LRP1B: variants seen among roughly 807,000 people sequenced by gnomAD.
LRP1B encodes the protein low-density lipoprotein receptor-related protein 1B.
In LRP1B, 217 loss-of-function variants were observed where a neutral mutation model predicts 556.6. That is an observed-to-expected ratio of 0.39 (90% CI 0.35 to 0.44). The LOEUF is 0.44. Among genes scored for constraint, LRP1B ranks in the 20% least tolerant of loss-of-function variants. The probability of loss-of-function intolerance (pLI) is 1.00; values close to 1 mark genes in which losing one functional copy is unlikely to be tolerated. For synonymous variants in LRP1B, 2,047 were observed against 1,865.8 expected, an observed-to-expected ratio of 1.10 and a Z score of -2.50; for missense variants, 5,053 against 5,620.8, an observed-to-expected ratio of 0.90 and a Z score of 3.23.
At chr2:141,765,652 C>A (rs563908787) in intron 2 of LRP1B, among the ~76,000 whole-genome samples, 8 of 152,242 alleles carry the variant, frequency 5.3e-5, no homozygotes, top group African/African-American at 1.9e-4. Flanking sequence ...AGAAGAGTTG[C>A]CATTTTGCCC....
chr2:141,552,955 C>T (rs1030871705), intron 2 of LRP1B, among the ~76,000 whole-genome samples: 3 of 151,634 alleles, frequency 2.0e-5, no homozygotes, highest in African/African-American at 7.3e-5. Flanking sequence ...GAAAGAAGAC[C>T]AGAGTAAGTT....
At chr2:141,285,840 G>C (rs1685695455) in intron 3 of LRP1B, among the ~76,000 whole-genome samples, 1 of 148,306 alleles carries the variant, frequency 6.7e-6, no homozygotes, top group African/African-American at 2.5e-5. Context: ...GCCGAGGCGG[G>C]CGGATCACGA....
At chr2:141,600,734 G>T (rs1687701369) in intron 2 of LRP1B, among the ~76,000 whole-genome samples, 1 of 151,976 alleles carries the variant, frequency 6.6e-6, no homozygotes, top group Admixed American at 6.6e-5. Flanking sequence ...TGGATTCAGG[G>T]TGCAACTAGA....
intron 8 of LRP1B, among the ~76,000 whole-genome samples, chr2:141,061,387 T>C (rs1699330439): frequency 6.6e-6 from 1 of 151,814 alleles, no homozygotes; most frequent in Non-Finnish European, 1.5e-5. Flanking sequence ...TAAGTGCCAT[T>C]AGTGAGATAA....
At chr2:140,442,700 T>C in intron 65 of LRP1B, 77 bp from the exon 66 acceptor site, 1 of 1,426,236 alleles carries the variant, frequency 7.0e-7, no homozygotes, top group Non-Finnish European at 9.7e-7. Context: ...TACAGACAAA[T>C]GTTTAAGACA....
At chr2:140,238,121 G>C (rs377229862) in intron 89 of LRP1B, 31 bp downstream of exon 89, 1 of 1,550,264 alleles carries the variant, frequency 6.5e-7, no homozygotes, top group South Asian at 1.2e-5. Context: ...GAATGTTAGT[G>C]CTCACTGCCC....
chr2:141,999,057 A>G (rs1702583647), intron 1 of LRP1B, among the ~76,000 whole-genome samples: 1 of 152,192 alleles, frequency 6.6e-6, no homozygotes, highest in African/African-American at 2.4e-5. Context: ...GGGAGAAAAT[A>G]CTGTGATTTC....
chr2:141,932,028 A>C (rs1400847433), intron 1 of LRP1B, among the ~76,000 whole-genome samples: 1 of 152,060 alleles, frequency 6.6e-6, no homozygotes, highest in Non-Finnish European at 1.5e-5. Context: ...ACTGGCAGCA[A>C]AGACACAGCA....
At chr2:140,621,177 C>T (rs567976694) in intron 41 of LRP1B, among the ~76,000 whole-genome samples, 4 of 150,976 alleles carry the variant, frequency 2.6e-5, no homozygotes, top group Non-Finnish European at 4.4e-5. Context: ...GTCAGGAGTT[C>T]GAGACCATCC....
chr2:141,770,008 G>A (rs573007216), intron 2 of LRP1B, among the ~76,000 whole-genome samples: 3 of 152,280 alleles, frequency 2.0e-5, no homozygotes, highest in Admixed American at 1.3e-4. Flanking sequence ...CTTACAAAGA[G>A]TTAGTATGAC....
In LRP1B at chr2:141,291,976, G is replaced by C. The variant is rs181764361; in HGVS notation, c.344-37335C>G. Among the ~76,000 whole-genome samples the C allele has an allele frequency of 2.0e-5, 3 of 151,604 alleles. No individual in the cohort carries two copies. In the East Asian group the frequency reaches 5.8e-4, roughly 29 times the overall value. On this transcript the variant is annotated intron_variant, in intron 3 of 90. Transcript: ENST00000389484. ...TAACTGTATATCCCCTATACCAGGG[G>C]TCCCCAACCCCAATGCGATGAACTA...
At chr2:140,693,917 AG>A (rs370377801) in intron 41 of LRP1B, among the ~76,000 whole-genome samples, 16 of 152,272 alleles carry the variant, frequency 1.1e-4, no homozygotes, top group African/African-American at 3.4e-4. Flanking sequence ...CATTTTGGCC[AG>A]GCTAGTCTCG....
chr2:141,549,559 C>T (rs1217689176), intron 2 of LRP1B, among the ~76,000 whole-genome samples: 4 of 152,108 alleles, frequency 2.6e-5, no homozygotes, highest in Admixed American at 2.6e-4. Flanking sequence ...TTTTGTCGGC[C>T]TTTCTCTTTT....
At chr2:141,281,557 G>T (rs1250317303) in intron 3 of LRP1B, among the ~76,000 whole-genome samples, 1 of 152,114 alleles carries the variant, frequency 6.6e-6, no homozygotes, top group East Asian at 1.9e-4. Context: ...TTTTACTTAT[G>T]TCTTTAAATT....
chr2:142,012,561 C>T (rs1334101024), intron 1 of LRP1B, among the ~76,000 whole-genome samples: 3 of 151,968 alleles, frequency 2.0e-5, no homozygotes, highest in Non-Finnish European at 2.9e-5. Flanking sequence ...CATAAGTTAG[C>T]AGAAAAGAAA....
At chr2:141,646,869 T>G (rs914671019) in intron 2 of LRP1B, among the ~76,000 whole-genome samples, 1 of 152,198 alleles carries the variant, frequency 6.6e-6, no homozygotes, top group East Asian at 1.9e-4. Flanking sequence ...TGAATGATCA[T>G]GCCGTGGAGA....
chr2:140,895,588 G>A (rs1030512247), intron 23 of LRP1B, among the ~76,000 whole-genome samples: 3 of 152,140 alleles, frequency 2.0e-5, no homozygotes, highest in Non-Finnish European at 4.4e-5. Flanking sequence ...GCTGTCCCTG[G>A]GTGGCTTAAG....
chr2:140,794,478 AACACACACACACACACAC>A (rs6146938), intron 32 of LRP1B, among the ~76,000 whole-genome samples: 35 of 149,840 alleles, frequency 2.3e-4, no homozygotes, highest in Non-Finnish European at 3.4e-4. Context: ...AGCTATTTAA[AACACACACACACACACAC>A]ACACACACAC....
At chr2:141,601,087 C>T (rs921089978) in intron 2 of LRP1B, among the ~76,000 whole-genome samples, 1 of 152,170 alleles carries the variant, frequency 6.6e-6, no homozygotes, top group Non-Finnish European at 1.5e-5. Context: ...CAAAGTACTA[C>T]AATGTTGTCC....
Sources: gnomAD v4.1 joint callset for allele counts (sites outside exome capture counted in the v4.1 genomes callset) on GRCh38, gnomAD v4.1.1 for gene constraint, MANE v1.5 for transcripts, NCBI Gene and HGNC (gene_info 2026-07-23, HGNC 2026-07-21) for gene names.